Variants in ACVR1 observed in about 807,000 individuals in gnomAD.
ACVR1 encodes activin A receptor type 1, also known as activin receptor type-1.
In ACVR1, 38 loss-of-function variants were observed where a neutral mutation model predicts 57.1. The observed-to-expected ratio is 0.67, with a 90% CI of 0.51 to 0.87. The LOEUF is 0.87. ACVR1 is among the 40% of genes least tolerant of loss of function. ACVR1 has a pLI of 0.00. For missense variants in ACVR1, 463 were observed against 638.2 expected (o/e 0.73, Z 2.96); for synonymous variants, 212 against 228.1 (o/e 0.93, Z 0.63).
At position 157,737,563 on chromosome 2, in the gene ACVR1, T is replaced by A; in HGVS notation, c.1498A>T (p.Asn500Tyr). The change falls in exon 11 of 11, where the codon AAT becomes TAT. Residue 500 changes from asparagine to tyrosine, a missense_variant. Physicochemically the swap from Asn to Tyr is moderately radical, Grantham distance 143. Coordinates refer to ENST00000434821, the MANE Select transcript of ACVR1 (RefSeq NM_001111067.4). ...TCAGTTTTCAATTTGTCGAGGGAAT[T>A]ATCAATTTTGGTCAAAGTCTTTTTG... ...RIKKTLTKID[N>Y]SLDKLKTDC is the part of the protein sequence containing the mutation. 1 of 1,614,110 alleles carries A rather than the reference T, an allele frequency of 6.2e-7. No individual in the cohort carries two copies. Among genetic ancestry groups the A allele is most frequent in the Non-Finnish European group, 8.5e-7 (1 of 1,179,976 alleles).
chr2:157,774,691 T>G (rs765444036), intron 5 of ACVR1, among the ~76,000 whole-genome samples: 6 of 152,236 alleles, frequency 3.9e-5, no homozygotes, highest in Non-Finnish European at 7.3e-5. Flanking sequence ...TTCGGAATAC[T>G]AGAAGCTAGC....
chr2:157,739,950 C>T (rs756239018), intron 9 of ACVR1, among the ~76,000 whole-genome samples: 2 of 152,026 alleles, frequency 1.3e-5, no homozygotes, highest in African/African-American at 2.4e-5. Flanking sequence ...TTTGGGAGGT[C>T]GTGGTGGGTG....
At chr2:157,751,346 A>G (rs1297416202) in intron 9 of ACVR1, among the ~76,000 whole-genome samples, 1 of 152,236 alleles carries the variant, frequency 6.6e-6, no homozygotes, top group Admixed American at 6.5e-5. Context: ...CTTGTCTTAC[A>G]GCGGTCCTTG....
chr2:157,778,573 A>G (rs1227145905), intron 4 of ACVR1, among the ~76,000 whole-genome samples: 1 of 152,214 alleles, frequency 6.6e-6, no homozygotes. Context: ...AATCAATTGC[A>G]TTAATGTATG....
At chr2:157,823,878 G>GT (rs1344621178) in intron 1 of ACVR1, among the ~76,000 whole-genome samples, 1 of 152,178 alleles carries the variant, frequency 6.6e-6, no homozygotes, top group Non-Finnish European at 1.5e-5. Flanking sequence ...AACAAAGGCA[G>GT]TGAGTGGGCT....
At chr2:157,793,745 T>G (rs1447085870) in intron 3 of ACVR1, among the ~76,000 whole-genome samples, 1 of 152,168 alleles carries the variant, frequency 6.6e-6, no homozygotes, top group African/African-American at 2.4e-5. Context: ...CTTCAAGAAC[T>G]TCCTGAATCC....
intron 2 of ACVR1, among the ~76,000 whole-genome samples, chr2:157,806,375 G>C (rs527616483): frequency 2.0e-5 from 3 of 151,996 alleles, no homozygotes; most frequent in Non-Finnish European, 2.9e-5. Context: ...GTGCATCAGT[G>C]GTTTCTAGCC....
chr2:157,803,509 T>A lies in ACVR1; in HGVS notation c.-7-4009A>T, dbSNP rs146697793. ...ATGTTCTGGTATTTCCTGACCATAT[T>A]TCAATTATAAGAAACATCAATACGC... On this transcript the variant is annotated intron_variant, in intron 2 of 10. Transcript: ENST00000434821. Among the ~76,000 whole-genome samples, 98 of 152,304 alleles carry A rather than the reference T, an allele frequency of 6.4e-4. 1 individual carries two copies. Among genetic ancestry groups the A allele is most frequent in the African/African-American group, 2.2e-3 (91 of 41,558 alleles).
intron 1 of ACVR1, among the ~76,000 whole-genome samples, chr2:157,822,672 G>A (rs1559077958): frequency 6.6e-6 from 1 of 152,140 alleles, no homozygotes; most frequent in Non-Finnish European, 1.5e-5. Context: ...TGCCAGTAGC[G>A]GGCAAAATCC....
At chr2:157,778,576 A>G (rs1335766769) in intron 4 of ACVR1, among the ~76,000 whole-genome samples, 1 of 152,204 alleles carries the variant, frequency 6.6e-6, no homozygotes, top group Non-Finnish European at 1.5e-5. Context: ...CAATTGCATT[A>G]ATGTATGAAT....
At chr2:157,807,087 A>T (rs1364224679) in intron 2 of ACVR1, 1 of 152,080 alleles carries the variant, frequency 6.6e-6, no homozygotes, top group Non-Finnish European at 1.5e-5. Flanking sequence ...TAACAGATGG[A>T]CCCTAGATAT....
chr2:157,772,576 G>T (rs542307777), intron 6 of ACVR1, among the ~76,000 whole-genome samples: 1 of 152,322 alleles, frequency 6.6e-6, no homozygotes, highest in African/African-American at 2.4e-5. Context: ...TTACTATTTT[G>T]CCATTTGGAC....
chr2:157,787,667 G>A (rs1301673086), intron 3 of ACVR1, among the ~76,000 whole-genome samples: 1 of 152,190 alleles, frequency 6.6e-6, no homozygotes, highest in Non-Finnish European at 1.5e-5. Context: ...CAGGAAGAAT[G>A]GTTGATTCTG....
At chr2:157,772,942 TC>T (rs1686127643) in intron 6 of ACVR1, among the ~76,000 whole-genome samples, 1 of 152,154 alleles carries the variant, frequency 6.6e-6, no homozygotes, top group Non-Finnish European at 1.5e-5. Flanking sequence ...CCTCTGCCCT[TC>T]CCCGTTTCTA....
chr2:157,754,369 C>G (rs1437316285), intron 9 of ACVR1, among the ~76,000 whole-genome samples: 1 of 151,972 alleles, frequency 6.6e-6, no homozygotes, highest in African/African-American at 2.4e-5. Context: ...GCAAGATTAA[C>G]CAAGAAAAGA....
intron 1 of ACVR1, chr2:157,819,496 CAAA>C (rs3030654): frequency 2.9e-3 from 364 of 127,580 alleles, no homozygotes; most frequent in Middle Eastern, 4.2e-3. Context: ...AACTCTGTCT[CAAA>C]AAAAAAAAAA....
chr2:157,830,913 C>G (rs1186951844), intron 1 of ACVR1, among the ~76,000 whole-genome samples: 1 of 152,104 alleles, frequency 6.6e-6, no homozygotes, highest in African/African-American at 2.4e-5. Flanking sequence ...CTTCCTCTCA[C>G]CATGACAATG....
intron 1 of ACVR1, among the ~76,000 whole-genome samples, chr2:157,865,573 C>T (rs1370545091): frequency 6.6e-6 from 1 of 151,998 alleles, no homozygotes; most frequent in Non-Finnish European, 1.5e-5. Context: ...GGGCAGATCA[C>T]CTGAGGTCGG....
rs1490379778 is a variant in ACVR1 at position 157,813,387 on chromosome 2, C to T, written c.-8+4998G>A. ...GAATGACTAGCCAATATGGCAGAGA[C>T]TGCTAATTTTCCACTAAAATCCCTT... On this transcript the variant is annotated intron_variant, in intron 2 of 10. Transcript: ENST00000434821. 2.6e-5 allele frequency among the ~76,000 whole-genome samples: 4 copies of T among 152,296 alleles called. No individual in the cohort carries two copies. The East Asian group carries it at 7.7e-4, about 29-fold the overall frequency.
Sources: gnomAD v4.1 joint callset for allele counts (sites outside exome capture counted in the v4.1 genomes callset) on GRCh38, gnomAD v4.1.1 for gene constraint, MANE v1.5 for transcripts, NCBI Gene and HGNC (gene_info 2026-07-23, HGNC 2026-07-21) for gene names.